Variants in ATRNL1 observed in about 807,000 individuals in gnomAD.
The protein encoded by ATRNL1 is attractin like 1.
ATRNL1 carries 95 observed loss-of-function variants against 182.7 expected under a neutral mutation model. That is an observed-to-expected ratio of 0.52 (90% CI 0.44 to 0.62). The LOEUF (loss-of-function observed/expected upper bound fraction) is 0.62. Among genes scored for constraint, ATRNL1 ranks in the 20% least tolerant of loss-of-function variants. The probability of loss-of-function intolerance (pLI) is 0.00; values close to 1 mark genes in which losing one functional copy is unlikely to be tolerated. For missense variants in ATRNL1, 1,471 were observed against 1,679.5 expected (o/e 0.88, Z 2.17); for synonymous variants, 576 against 568.3 (o/e 1.01, Z -0.19).
intron 27 of ATRNL1, among the ~76,000 whole-genome samples, chr10:115,837,893 A>G (rs1309245734): frequency 6.6e-6 from 1 of 152,190 alleles, no homozygotes; most frequent in Non-Finnish European, 1.5e-5. Context: ...ACATTGACCC[A>G]TATAAAATTG....
Position 115,315,518 on chromosome 10 carries a change from C to A in ATRNL1, c.2819C>A (p.Pro940His). The A allele has an allele frequency of 6.2e-7, 1 of 1,604,064 alleles. No individual in the cohort carries two copies. Among genetic ancestry groups the A allele is most frequent in the African/African-American group, 1.3e-5 (1 of 74,858 alleles). Residue 940 changes from proline to histidine, a missense_variant and splice_region_variant, in exon 18 of 29, where the codon CCT (proline) becomes CAT (histidine). Pro to His is a moderately conservative substitution (Grantham distance 77). Coordinates refer to ENST00000355044, the MANE Select transcript of ATRNL1 (RefSeq NM_207303.4). ...CLEWQTATCSPQNCSGLRTCG... is the reference protein window; with the variant it reads ...CLEWQTATCSHQNCSGLRTCG... ...ATTTGTCAATGTTCCTGTCACGCAGCTCAAAATTGTTCTGGATTGAGAACC... is the reference window on the plus strand; with the variant it reads ...ATTTGTCAATGTTCCTGTCACGCAGATCAAAATTGTTCTGGATTGAGAACC...
chr10:115,314,816 C>A (rs543180449), intron 17 of ATRNL1, among the ~76,000 whole-genome samples: 3 of 151,974 alleles, frequency 2.0e-5, no homozygotes, highest in Non-Finnish European at 4.4e-5. Flanking sequence ...AACAAAAAGA[C>A]AAAAAACCAA....
At chr10:115,848,132 A>G (rs1565432689) in intron 28 of ATRNL1, 141 bp downstream of exon 28, 1 of 604,284 alleles carries the variant, frequency 1.7e-6, no homozygotes, top group Non-Finnish European at 3.0e-6. Context: ...GAGAATACAA[A>G]CTTTTACCCA....
intron 26 of ATRNL1, among the ~76,000 whole-genome samples, chr10:115,626,744 C>T (rs1429547449): frequency 1.3e-5 from 2 of 152,074 alleles, no homozygotes; most frequent in African/African-American, 4.8e-5. Context: ...ATATTTATTA[C>T]TTATTCATAT....
At chr10:115,175,169 A>G (rs1224866528) in intron 8 of ATRNL1, among the ~76,000 whole-genome samples, 1 of 152,014 alleles carries the variant, frequency 6.6e-6, no homozygotes, top group East Asian at 1.9e-4. Flanking sequence ...ATCCTTACTG[A>G]ATATAGTTTA....
intron 19 of ATRNL1, among the ~76,000 whole-genome samples, chr10:115,393,243 G>GT (rs1221891727): frequency 6.6e-6 from 1 of 151,904 alleles, no homozygotes; most frequent in African/African-American, 2.4e-5. Context: ...TTTTGTTTTA[G>GT]TCTCTTCTTT....
chr10:115,190,539 C>T (rs1848129147), intron 8 of ATRNL1, among the ~76,000 whole-genome samples: 1 of 151,980 alleles, frequency 6.6e-6, no homozygotes, highest in Non-Finnish European at 1.5e-5. Flanking sequence ...AATACGCACT[C>T]CCTATAATTT....
At chr10:115,407,312 A>G (rs1234574788) in intron 20 of ATRNL1, among the ~76,000 whole-genome samples, 2 of 152,174 alleles carry the variant, frequency 1.3e-5, no homozygotes, top group Non-Finnish European at 2.9e-5. Flanking sequence ...GTAGTATAGA[A>G]CATTAGAACT....
At chr10:115,229,704 G>T (rs1361513561) in intron 9 of ATRNL1, among the ~76,000 whole-genome samples, 1 of 152,020 alleles carries the variant, frequency 6.6e-6, no homozygotes, top group Non-Finnish European at 1.5e-5. Context: ...CATGATAAGA[G>T]ATTTGGAATT....
intron 26 of ATRNL1, among the ~76,000 whole-genome samples, chr10:115,598,414 G>T (rs1427618322): frequency 6.9e-6 from 1 of 144,102 alleles, no homozygotes; most frequent in East Asian, 2.0e-4. Flanking sequence ...CCCTGGCTGG[G>T]GTGCAGAGGC....
Position 115,450,029 on chromosome 10 carries a change from C to T in ATRNL1, c.3323-11912C>T, listed in dbSNP as rs1379221477. Reference sequence around the variant, plus strand: ...GCAAATCAATAAATGTGATTCATCACAAAAACAGAACTAAAGACAGAAACA... The same window carrying T: ...GCAAATCAATAAATGTGATTCATCATAAAAACAGAACTAAAGACAGAAACA... On this transcript the variant is annotated intron_variant, in intron 21 of 28. Transcript: ENST00000355044. Among the ~76,000 whole-genome samples, 7 of 152,018 alleles carry T rather than the reference C, an allele frequency of 4.6e-5. No individual in the cohort carries two copies. The East Asian group carries it at 1.3e-3, about 29-fold the overall frequency.
intron 28 of ATRNL1, among the ~76,000 whole-genome samples, chr10:115,862,316 A>G (rs1319745335): frequency 1.3e-5 from 2 of 152,116 alleles, no homozygotes; most frequent in Admixed American, 1.3e-4. Context: ...TTTCCAGTGG[A>G]TCACTTTAGT....
At chr10:115,372,305 A>G (rs1437805344) in intron 19 of ATRNL1, among the ~76,000 whole-genome samples, 1 of 152,070 alleles carries the variant, frequency 6.6e-6, no homozygotes, top group African/African-American at 2.4e-5. Flanking sequence ...ATTTTCTGCA[A>G]TTTCCTAAGC....
intron 19 of ATRNL1, among the ~76,000 whole-genome samples, chr10:115,379,238 C>T (rs1857850082): frequency 6.6e-6 from 1 of 152,062 alleles, no homozygotes; most frequent in Non-Finnish European, 1.5e-5. Context: ...TGTATAATGC[C>T]TTCATAGGTG....
intron 24 of ATRNL1, among the ~76,000 whole-genome samples, chr10:115,500,760 C>T (rs1181207542): frequency 4.6e-5 from 7 of 151,820 alleles, no homozygotes; most frequent in East Asian, 1.9e-4. Context: ...AGGCTGGTCT[C>T]GAACTCCCGA....
At chr10:115,596,346 T>G (rs1012882751) in intron 26 of ATRNL1, among the ~76,000 whole-genome samples, 7 of 152,196 alleles carry the variant, frequency 4.6e-5, no homozygotes, top group Non-Finnish European at 7.4e-5. Flanking sequence ...CCTCAAGGGA[T>G]CCACCTGCCT....
At chr10:115,219,309 G>A (rs1014935535) in intron 9 of ATRNL1, among the ~76,000 whole-genome samples, 1 of 151,862 alleles carries the variant, frequency 6.6e-6, no homozygotes, top group Non-Finnish European at 1.5e-5. Context: ...GTGAACAGAT[G>A]TGAGTTGAGG....
At chr10:115,443,102 A>G (rs1322458732) in intron 21 of ATRNL1, among the ~76,000 whole-genome samples, 1 of 152,000 alleles carries the variant, frequency 6.6e-6, no homozygotes, top group African/African-American at 2.4e-5. Context: ...GAATTTTTAA[A>G]CCATTACATT....
chr10:115,901,752 A>T (rs2134492264), intron 28 of ATRNL1, among the ~76,000 whole-genome samples: 1 of 151,984 alleles, frequency 6.6e-6, no homozygotes, highest in African/African-American at 2.4e-5. Flanking sequence ...AGAAAAAAAA[A>T]AAAAAAAAAA....
Sources: allele counts gnomAD v4.1 joint callset (sites outside exome capture counted in the v4.1 genomes callset), GRCh38; gene constraint gnomAD v4.1.1; transcripts MANE v1.5; gene names NCBI Gene and HGNC (gene_info 2026-07-23, HGNC 2026-07-21).